The following VPS13C variants were observed in gnomAD, a reference collection of about 807,000 sequenced individuals.
VPS13C encodes vacuolar protein sorting 13 homolog C.
Under a neutral mutation model 456.8 loss-of-function variants are expected in VPS13C, and 358 were observed. The ratio of observed to expected loss-of-function variants is 0.78; its 90% CI spans 0.72 to 0.86. VPS13C has a LOEUF of 0.86. Among genes scored for constraint, VPS13C ranks in the 40% least tolerant of loss-of-function variants. VPS13C has a pLI of 0.00. For missense variants in VPS13C, 4,818 were observed against 4,385.4 expected (o/e 1.10, Z -2.79); for synonymous variants, 1,578 against 1,486.7 (o/e 1.06, Z -1.41).
intron 63 of VPS13C, among the ~76,000 whole-genome samples, chr15:61,911,623 G>GA (rs920363474): frequency 3.9e-5 from 6 of 152,100 alleles, no homozygotes; most frequent in African/African-American, 7.2e-5. Context: ...GGAAGAATTA[G>GA]AAAAAAGACT....
At chr15:62,002,483 G>C (rs2046663277) in intron 15 of VPS13C, among the ~76,000 whole-genome samples, 1 of 152,186 alleles carries the variant, frequency 6.6e-6, no homozygotes, top group Non-Finnish European at 1.5e-5. Flanking sequence ...TGTTCACTCT[G>C]ATGGTAGTTT....
At chr15:61,955,055 T>C (rs1376270518) in intron 37 of VPS13C, among the ~76,000 whole-genome samples, 1 of 152,128 alleles carries the variant, frequency 6.6e-6, no homozygotes, top group East Asian at 1.9e-4. Context: ...CAGGGCCTCT[T>C]ATGCCATATT....
chr15:61,979,189 T>C (rs2045799274), intron 22 of VPS13C, among the ~76,000 whole-genome samples: 1 of 152,204 alleles, frequency 6.6e-6, no homozygotes, highest in African/African-American at 2.4e-5. Flanking sequence ...GTACTGCCTT[T>C]TCCCCCTTCC....
intron 66 of VPS13C, among the ~76,000 whole-genome samples, chr15:61,894,444 A>C (rs2140086447): frequency 6.6e-6 from 1 of 152,314 alleles, no homozygotes; most frequent in Middle Eastern, 3.4e-3. Flanking sequence ...TGGCTGGGTA[A>C]ATTAAAAAAT....
chr15:61,884,362 C>T lies in VPS13C; in HGVS notation c.9342-93G>A, dbSNP rs1896108823. 2.3e-6 allele frequency: 3 copies of T among 1,327,662 alleles called. 1 individual carries two copies. The highest frequency in any genetic ancestry group is 2.8e-5 in the South Asian group (2 of 70,430). The allele number at this position is 1,327,662 out of a possible 1,614,324, so 82.2% of individuals were successfully genotyped here. A position where few individuals can be genotyped will look rare whatever the true frequency, so the allele number is the denominator to read the frequency against. On this transcript the variant is annotated intron_variant, in intron 67 of 84. Transcript: ENST00000644861. ...CCAGATTATTGTAACTATTATTTTCCTATGAAAATTACATTGGTATAAGGG... is the reference window on the plus strand; with the variant it reads ...CCAGATTATTGTAACTATTATTTTCTTATGAAAATTACATTGGTATAAGGG...
intron 2 of VPS13C, 81 bp from the exon 3 acceptor site, chr15:62,041,447 T>C: frequency 1.5e-6 from 2 of 1,347,444 alleles, no homozygotes; most frequent in Non-Finnish European, 2.1e-6. Context: ...ATCATTTAAA[T>C]ACACATGTCC....
chr15:61,966,027 G>T, intron 30 of VPS13C, 56 bp downstream of exon 30: 1 of 1,351,796 alleles, frequency 7.4e-7, no homozygotes, highest in South Asian at 1.3e-5. Flanking sequence ...GATACTAGAG[G>T]CTTTGAGACT....
intron 66 of VPS13C, among the ~76,000 whole-genome samples, chr15:61,892,434 C>A (rs943517628): frequency 2.0e-5 from 3 of 152,090 alleles, no homozygotes; most frequent in Non-Finnish European, 4.4e-5. Flanking sequence ...AATTATACCA[C>A]CATCTAGTGC....
intron 67 of VPS13C, among the ~76,000 whole-genome samples, chr15:61,885,942 T>A (rs534361261): frequency 6.6e-6 from 1 of 152,282 alleles, no homozygotes; most frequent in East Asian, 1.9e-4. Context: ...TGTTGACTCA[T>A]CAAGAGCCAA....
chr15:62,029,990 A>C (rs957904790), intron 5 of VPS13C, among the ~76,000 whole-genome samples: 1 of 152,126 alleles, frequency 6.6e-6, no homozygotes, highest in Admixed American at 6.6e-5. Context: ...AGGGAATTAA[A>C]CATAGACGAG....
Position 61,881,507 on chromosome 15 carries a change from C to A in VPS13C, c.9776+56G>T, listed in dbSNP as rs1895846280. 3.4e-6 allele frequency: 5 copies of A among 1,486,584 alleles called. No homozygotes were observed. The South Asian group carries it at 6.5e-5, about 19-fold the overall frequency. The allele number at this position is 1,486,584 out of a possible 1,614,324, so 92.1% of individuals were successfully genotyped here. ...TTTCAAAAAGAGTAAGATTTATTTTCAAAGTAGATTCTCATTTTAAATTCT... is the reference window on the plus strand; with the variant it reads ...TTTCAAAAAGAGTAAGATTTATTTTAAAAGTAGATTCTCATTTTAAATTCT... On this transcript the variant is annotated intron_variant, in intron 71 of 84. Transcript: ENST00000644861.
At chr15:61,944,199 A>G (rs1022068009) in intron 45 of VPS13C, among the ~76,000 whole-genome samples, 1 of 152,194 alleles carries the variant, frequency 6.6e-6, no homozygotes, top group Non-Finnish European at 1.5e-5. Context: ...ATGCAAATCT[A>G]TTTCAGCCAC....
chr15:62,040,341 A>G (rs1048481487), intron 3 of VPS13C, among the ~76,000 whole-genome samples: 9 of 152,202 alleles, frequency 5.9e-5, no homozygotes, highest in Non-Finnish European at 1.2e-4. Flanking sequence ...ACATATAACT[A>G]AGAGTATTAA....
chr15:62,048,889 C>T (rs1302847622), intron 1 of VPS13C, among the ~76,000 whole-genome samples: 1 of 152,216 alleles, frequency 6.6e-6, no homozygotes, highest in African/African-American at 2.4e-5. Context: ...TCTTTGGCTG[C>T]ATAAATGTCT....
intron 16 of VPS13C, among the ~76,000 whole-genome samples, chr15:61,994,361 C>T (rs2046312963): frequency 6.6e-6 from 1 of 152,124 alleles, no homozygotes; most frequent in Non-Finnish European, 1.5e-5. Context: ...GTGATTCATT[C>T]CTCTCTTTCA....
At chr15:61,969,488 A>C in intron 27 of VPS13C, 36 bp from the exon 28 acceptor site, 1 of 1,409,794 alleles carries the variant, frequency 7.1e-7, no homozygotes, top group Non-Finnish European at 9.5e-7. Flanking sequence ...GTTGATAAGA[A>C]GTCTGAATCA....
chr15:61,912,106 A>C lies in VPS13C; in HGVS notation c.8551-102T>G. ...CAAACTTCTTACAATATTTTAAAATAATAATTCTTAAATAAAGCAACTATA... is the reference window on the plus strand; with the variant it reads ...CAAACTTCTTACAATATTTTAAAATCATAATTCTTAAATAAAGCAACTATA... On this transcript the variant is annotated intron_variant, in intron 62 of 84. Coordinates refer to ENST00000644861, the MANE Select transcript of VPS13C (RefSeq NM_020821.3). 4.8e-6 allele frequency: 5 copies of C among 1,038,286 alleles called. 1 individual carries two copies. In the Middle Eastern group the frequency reaches 1.2e-3, roughly 241 times the overall value. 64.3% of individuals were successfully genotyped at this position (1,038,286 alleles called of 1,614,324 possible). A position where few individuals can be genotyped will look rare whatever the true frequency, so the allele number is the denominator to read the frequency against.
intron 18 of VPS13C, among the ~76,000 whole-genome samples, chr15:61,990,338 C>A (rs1040077188): frequency 1.3e-5 from 2 of 152,002 alleles, no homozygotes; most frequent in African/African-American, 4.8e-5. Context: ...TAATTGCACA[C>A]CTGTTCCCTT....
In VPS13C at chr15:61,918,241, G is replaced by C; in HGVS notation, c.7655C>G (p.Ser2552Cys). The C allele has an allele frequency of 2.5e-6, 4 of 1,570,992 alleles. No individual in the cohort carries two copies. Among genetic ancestry groups the C allele is most frequent in the Non-Finnish European group, 3.4e-6 (4 of 1,162,556 alleles). Residue 2552 changes from serine to cysteine, a missense_variant, in exon 59 of 85, where the codon TCC (serine) becomes TGC (cysteine). By Grantham distance (112) the Ser-to-Cys change is moderately radical. Coordinates refer to ENST00000644861, the MANE Select transcript of VPS13C (RefSeq NM_020821.3). ...AAATTTATAGATGATAAATGCAATGGAGAAATGGTTTTTGATCTGTTGGAC... is the reference window on the plus strand; with the variant it reads ...AAATTTATAGATGATAAATGCAATGCAGAAATGGTTTTTGATCTGTTGGAC... Reference protein sequence around the residue: ...RSPLQIKNHFSIAFIIYKFVK... With the variant: ...RSPLQIKNHFCIAFIIYKFVK...
Sources: gnomAD v4.1 joint callset for allele counts (sites outside exome capture counted in the v4.1 genomes callset) on GRCh38, gnomAD v4.1.1 for gene constraint, MANE v1.5 for transcripts, NCBI Gene and HGNC (gene_info 2026-07-23, HGNC 2026-07-21) for gene names.